The following HACD2 variants were observed in gnomAD, a reference collection of about 807,000 sequenced individuals.
HACD2 encodes the protein very-long-chain (3R)-3-hydroxyacyl-CoA dehydratase 2.
HACD2 carries 15 observed loss-of-function variants against 31.0 expected under a neutral mutation model. That is an observed-to-expected ratio of 0.48 (90% confidence interval 0.32 to 0.75). The LOEUF (loss-of-function observed/expected upper bound fraction) is 0.75. Ranked by LOEUF, HACD2 falls within the 30% of genes least tolerant of loss-of-function variation. The pLI is 0.03. For missense variants in HACD2, 283 were observed against 313.0 expected (o/e 0.90, Z 0.72); for synonymous variants, 115 against 122.2 (o/e 0.94, Z 0.39).
At chr3:123,534,798 T>TTGTGTG (rs71142740) in intron 3 of HACD2, among the ~76,000 whole-genome samples, 4 of 149,088 alleles carry the variant, frequency 2.7e-5, no homozygotes, top group African/African-American at 4.9e-5. Context: ...AGACGTAGGC[T>TTGTGTG]TGTGTGTGTG....
chr3:123,539,672 A>G (rs982363598), intron 3 of HACD2, among the ~76,000 whole-genome samples: 2 of 152,108 alleles, frequency 1.3e-5, no homozygotes, highest in African/African-American at 4.8e-5. Flanking sequence ...ATACCTAAAC[A>G]AATGCAGAGA....
At chr3:123,496,588 A>AAGT (rs2055835732) in intron 6 of HACD2, among the ~76,000 whole-genome samples, 1 of 152,336 alleles carries the variant, frequency 6.6e-6, no homozygotes, top group Non-Finnish European at 1.5e-5. Context: ...ACCCCACTTA[A>AAGT]GCATATAATT....
At chr3:123,566,872 C>T (rs776277418) in intron 3 of HACD2, among the ~76,000 whole-genome samples, 1 of 152,116 alleles carries the variant, frequency 6.6e-6, no homozygotes, top group Non-Finnish European at 1.5e-5. Flanking sequence ...GTAATGGAGC[C>T]AGATATCACA....
At position 123,572,876 on chromosome 3, in the gene HACD2, A is replaced by G. The variant is rs376436699; in HGVS notation, c.274-5096T>C. Among the ~76,000 whole-genome samples, 14 of 152,136 alleles carry G rather than the reference A, an allele frequency of 9.2e-5. No individual in the cohort carries two copies. The South Asian group carries it at 1.0e-3, about 11-fold the overall frequency. On this transcript the variant is annotated intron_variant, in intron 2 of 6. Coordinates refer to ENST00000383657, the MANE Select transcript of HACD2 (RefSeq NM_198402.5). ...AGTGATTCCCCATCTCTGTCTTTCAATTCAAAATTCCAAATTCTTGGGAGG... is the reference window on the plus strand; with the variant it reads ...AGTGATTCCCCATCTCTGTCTTTCAGTTCAAAATTCCAAATTCTTGGGAGG...
intron 4 of HACD2, among the ~76,000 whole-genome samples, chr3:123,514,675 A>G (rs1460793462): frequency 1.3e-5 from 2 of 152,152 alleles, no homozygotes; most frequent in African/African-American, 4.8e-5. Flanking sequence ...CCCCATCAGT[A>G]TTGTCTTAGA....
In HACD2 at chr3:123,536,326, G is replaced by A. The variant is rs57844055; in HGVS notation, c.293-7852C>T. 0.024 allele frequency among the ~76,000 whole-genome samples: 3,603 copies of A among 152,256 alleles called. 229 individuals are homozygous for A. The East Asian group carries it at 0.25, about 11-fold the overall frequency. On this transcript the variant is annotated intron_variant, in intron 3 of 6. Coordinates refer to ENST00000383657, the MANE Select transcript of HACD2 (RefSeq NM_198402.5). The stretch of plus-strand genomic sequence containing the variant: ...TTCAATACTGTGGAAATGCAGGCAG[G>A]GAGAATTTGGTAATACCTCTATCAG...
chr3:123,551,319 C>T (rs73857667), intron 3 of HACD2, among the ~76,000 whole-genome samples: 114 of 152,134 alleles, frequency 7.5e-4, no homozygotes, highest in African/African-American at 2.6e-3. Flanking sequence ...AGTAGAAACT[C>T]GATAAATGAT....
At chr3:123,498,178 A>ATCTTGAACCT (rs1207200045) in intron 6 of HACD2, among the ~76,000 whole-genome samples, 1 of 152,236 alleles carries the variant, frequency 6.6e-6, no homozygotes, top group Non-Finnish European at 1.5e-5. Flanking sequence ...TCTGTGTGCC[A>ATCTTGAACCT]TCTTGAACCT....
At position 123,555,377 on chromosome 3, in the gene HACD2, C is replaced by T. The variant is rs377406340; in HGVS notation, c.292+12385G>A. Among the ~76,000 whole-genome samples, 20 of 152,010 alleles carry T rather than the reference C, an allele frequency of 1.3e-4. No individual in the cohort carries two copies. The East Asian group carries it at 2.7e-3, about 21-fold the overall frequency. On this transcript the variant is annotated intron_variant, in intron 3 of 6. Coordinates refer to ENST00000383657, the MANE Select transcript of HACD2 (RefSeq NM_198402.5). Reference sequence around the variant, plus strand: ...CACACACACACACAAAATCCTAGAACTAATAAGCAAGTATAGCAAGGTCAC... The same window carrying T: ...CACACACACACACAAAATCCTAGAATTAATAAGCAAGTATAGCAAGGTCAC...
At chr3:123,554,443 G>GTGCTA (rs2056653363) in intron 3 of HACD2, among the ~76,000 whole-genome samples, 1 of 151,976 alleles carries the variant, frequency 6.6e-6, no homozygotes, top group Non-Finnish European at 1.5e-5. Context: ...CAAGGCTAAA[G>GTGCTA]TGTGCTATGA....
chr3:123,557,481 T>C lies in HACD2; in HGVS notation c.292+10281A>G, dbSNP rs184641843. ...AGCAAGATCCCATCTGTACAAAAAA[T>C]TAAAAAAATTAGCTGGGCATGGTGG... is the stretch of plus-strand genomic sequence containing the variant. On this transcript the variant is annotated intron_variant, in intron 3 of 6. Transcript: ENST00000383657. Among the ~76,000 whole-genome samples the C allele has an allele frequency of 2.2e-3, 335 of 151,870 alleles. 4 individuals are homozygous for C. Among genetic ancestry groups the C allele is most frequent in the Non-Finnish European group, 1.9e-3 (132 of 67,922 alleles).
intron 4 of HACD2, among the ~76,000 whole-genome samples, chr3:123,504,447 C>CCTAAGTGGG (rs1384662306): frequency 1.3e-5 from 2 of 152,098 alleles, no homozygotes; most frequent in African/African-American, 4.8e-5. Flanking sequence ...TGAATTCAGT[C>CCTAAGTGGG]CTAAGTGGGT....
intron 3 of HACD2, among the ~76,000 whole-genome samples, chr3:123,559,536 T>C (rs761829013): frequency 9.8e-5 from 15 of 152,314 alleles, no homozygotes; most frequent in East Asian, 1.9e-4. Flanking sequence ...ATAGAGATCA[T>C]CACGTATTCA....
chr3:123,585,049 C>A lies in HACD2; in HGVS notation c.-22G>T. The stretch of plus-strand genomic sequence containing the variant: ...CCATGTCAAGTGCCCGAAGCCCGCT[C>A]TCCTAGCGCGAGCGGCTCGGGCCGG... On this transcript the variant is annotated 5_prime_UTR_variant, in exon 1 of 7. Transcript: ENST00000383657. 3 of 1,439,840 alleles carry A rather than the reference C, an allele frequency of 2.1e-6. No homozygotes were observed. The highest frequency in any genetic ancestry group is 2.7e-6 in the Non-Finnish European group (3 of 1,099,012). 89.2% of individuals were successfully genotyped at this position (1,439,840 alleles called of 1,614,324 possible).
At chr3:123,527,873 T>C (rs1451742731) in intron 4 of HACD2, among the ~76,000 whole-genome samples, 3 of 152,144 alleles carry the variant, frequency 2.0e-5, no homozygotes, top group Admixed American at 6.5e-5. Flanking sequence ...TCAGCAGCAA[T>C]CGGGTTGTGT....
intron 3 of HACD2, among the ~76,000 whole-genome samples, chr3:123,541,975 G>A (rs1253572131): frequency 6.6e-6 from 1 of 151,198 alleles, no homozygotes; most frequent in African/African-American, 2.4e-5. Flanking sequence ...GTGAAACCCC[G>A]TCTCTACTAA....
intron 3 of HACD2, among the ~76,000 whole-genome samples, chr3:123,531,694 C>G (rs1345148128): frequency 6.6e-6 from 1 of 152,190 alleles, no homozygotes; most frequent in Non-Finnish European, 1.5e-5. Context: ...GTCTTTTCCT[C>G]TAAGCATATT....
intron 2 of HACD2, among the ~76,000 whole-genome samples, chr3:123,569,338 C>G (rs921280347): frequency 2.6e-5 from 4 of 152,118 alleles, no homozygotes; most frequent in African/African-American, 9.7e-5. Context: ...AACAAGAAGA[C>G]AGATGACAGT....
chr3:123,502,292 T>TTTTTTC (rs200062049), intron 5 of HACD2, among the ~76,000 whole-genome samples: 9 of 152,264 alleles, frequency 5.9e-5, no homozygotes, highest in African/African-American at 1.9e-4. Flanking sequence ...TGATGAAATT[T>TTTTTTC]TTTAAAAAAG....
Sources: gnomAD v4.1 joint callset for allele counts (sites outside exome capture counted in the v4.1 genomes callset) on GRCh38, gnomAD v4.1.1 for gene constraint, MANE v1.5 for transcripts, NCBI Gene and HGNC (gene_info 2026-07-23, HGNC 2026-07-21) for gene names.